GNA12: variants seen among roughly 807,000 people sequenced by gnomAD.
GNA12 encodes guanine nucleotide-binding protein subunit alpha-12.
A neutral mutation model predicts 26.0 loss-of-function variants in GNA12; 9 were observed. The ratio of observed to expected loss-of-function variants is 0.35; its 90% confidence interval spans 0.21 to 0.60. The LOEUF (loss-of-function observed/expected upper bound fraction) is 0.60. Among genes scored for constraint, GNA12 ranks in the 20% least tolerant of loss-of-function variants. The pLI is 0.78. For synonymous variants in GNA12, 264 were observed against 219.6 expected (o/e 1.20, Z -1.79); for missense variants, 405 against 525.8 (o/e 0.77, Z 2.25).
intron 2 of GNA12, among the ~76,000 whole-genome samples, chr7:2,739,782 C>T (rs548915600): frequency 2.0e-5 from 3 of 152,322 alleles, no homozygotes; most frequent in South Asian, 4.1e-4. Context: ...AAGCAGTTCT[C>T]TTGCCTCAGC....
At chr7:2,732,374 C>T (rs1313134354) in intron 3 of GNA12, among the ~76,000 whole-genome samples, 2 of 152,078 alleles carry the variant, frequency 1.3e-5, no homozygotes, top group African/African-American at 4.8e-5. Flanking sequence ...TAGTAAAACC[C>T]CATATTTACA....
intron 1 of GNA12, among the ~76,000 whole-genome samples, chr7:2,800,366 CGAG>C (rs1301194513): frequency 6.6e-6 from 1 of 152,134 alleles, no homozygotes; most frequent in South Asian, 2.1e-4. Flanking sequence ...AGGGGCAACA[CGAG>C]GAGATCTTTG....
chr7:2,783,535 C>T (rs971829325), intron 2 of GNA12, among the ~76,000 whole-genome samples: 1 of 152,080 alleles, frequency 6.6e-6, no homozygotes, highest in Non-Finnish European at 1.5e-5. Flanking sequence ...CACTTCGGGA[C>T]CCCCAAAAGA....
chr7:2,767,286 G>C (rs908376833), intron 2 of GNA12, among the ~76,000 whole-genome samples: 2 of 152,036 alleles, frequency 1.3e-5, no homozygotes, highest in Non-Finnish European at 2.9e-5. Flanking sequence ...CTAGGCTTTT[G>C]GTATCATACC....
At chr7:2,811,861 T>C (rs569627933) in intron 1 of GNA12, among the ~76,000 whole-genome samples, 1 of 152,372 alleles carries the variant, frequency 6.6e-6, no homozygotes, top group South Asian at 2.1e-4. Context: ...CACCAGTGTC[T>C]ACTTCTCAAA....
intron 1 of GNA12, among the ~76,000 whole-genome samples, chr7:2,824,865 C>T (rs892625615): frequency 1.3e-5 from 2 of 152,324 alleles, no homozygotes; most frequent in South Asian, 4.1e-4. Context: ...CCTCCCAGGC[C>T]TACTGAATAG....
chr7:2,791,901 A>G (rs1019196124), intron 2 of GNA12, among the ~76,000 whole-genome samples: 7 of 152,196 alleles, frequency 4.6e-5, no homozygotes, highest in African/African-American at 1.7e-4. Flanking sequence ...TGTATAAAGT[A>G]TAGGAATAAC....
intron 1 of GNA12, among the ~76,000 whole-genome samples, chr7:2,842,663 G>A (rs1395043128): frequency 1.3e-5 from 2 of 152,202 alleles, no homozygotes; most frequent in Non-Finnish European, 2.9e-5. Flanking sequence ...AGGAGAATCT[G>A]GAGATTCATT....
At chr7:2,834,473 G>T (rs986248232) in intron 1 of GNA12, among the ~76,000 whole-genome samples, 4 of 152,318 alleles carry the variant, frequency 2.6e-5, no homozygotes, top group South Asian at 2.1e-4. Flanking sequence ...CGAGTGGAGA[G>T]TAGGGGCTCT....
In GNA12 at chr7:2,773,785, C is replaced by A. The variant is rs530739856; in HGVS notation, c.525+21143G>T. ...CCCCTGGACAGCCCTGAGGGAAATG[C>A]CTACATCTCTTCACCAAAAGACAGG... On this transcript the variant is annotated intron_variant, in intron 2 of 3. Transcript: ENST00000275364. Among the ~76,000 whole-genome samples the A allele has an allele frequency of 1.2e-4, 18 of 152,278 alleles. No homozygotes were observed. In the Middle Eastern group the frequency reaches 0.01, roughly 86 times the overall value.
At chr7:2,797,441 G>A (rs1481907571) in intron 1 of GNA12, among the ~76,000 whole-genome samples, 2 of 151,478 alleles carry the variant, frequency 1.3e-5, no homozygotes, top group Non-Finnish European at 2.9e-5. Context: ...CACTGCATCC[G>A]GCCTTTTTTT....
At chr7:2,824,483 C>T (rs1583310708) in intron 1 of GNA12, among the ~76,000 whole-genome samples, 2 of 152,134 alleles carry the variant, frequency 1.3e-5, no homozygotes. Context: ...GACACGCTCT[C>T]GCCCTGCTTT....
At chr7:2,811,243 C>A (rs560600668) in intron 1 of GNA12, among the ~76,000 whole-genome samples, 2 of 152,136 alleles carry the variant, frequency 1.3e-5, no homozygotes, top group Admixed American at 1.3e-4. Flanking sequence ...CTTCTGTGCA[C>A]AACATCTACA....
rs1792363718 is a variant in GNA12, at chr7:2,786,436, TAAG to T, written c.525+8489_525+8491del. 4.6e-5 allele frequency among the ~76,000 whole-genome samples: 7 copies of T among 152,296 alleles called. 1 individual carries two copies. In the South Asian group the frequency reaches 1.2e-3, roughly 27 times the overall value. ...GCAGCAAAGAATGTCAATAGCCAAC[TAAG>T]AAGAGAATAAATGTAAATGGCCAAT... On this transcript the variant is annotated intron_variant, in intron 2 of 3. Transcript: ENST00000275364.
In GNA12 at chr7:2,815,738, G is replaced by A. The variant is rs10259077; in HGVS notation, c.310-20595C>T. On this transcript the variant is annotated intron_variant, in intron 1 of 3. Transcript: ENST00000275364. ...TGCTCCCCGTGTGGCCCCGTGTGCT[G>A]TGCCTCCTGTTTCTACAAATCTGTG... Among the ~76,000 whole-genome samples, 459 of 152,292 alleles carry A rather than the reference G, an allele frequency of 3.0e-3. 1 individual carries two copies. The highest frequency in any genetic ancestry group is 0.01 in the African/African-American group (431 of 41,558).
chr7:2,810,590 G>A lies in GNA12; in HGVS notation c.310-15447C>T, dbSNP rs2644277. 4.2e-3 allele frequency among the ~76,000 whole-genome samples: 643 copies of A among 152,162 alleles called. 4 individuals carry two copies. The highest frequency in any genetic ancestry group is 7.0e-3 in the Non-Finnish European group (479 of 68,022). On this transcript the variant is annotated intron_variant, in intron 1 of 3. Transcript: ENST00000275364. Reference sequence around the variant, plus strand: ...TTGGATTCCAAATGATGGACCTCACGGTCACTGGCAAGATAATGAGAAAAG... The same window carrying A: ...TTGGATTCCAAATGATGGACCTCACAGTCACTGGCAAGATAATGAGAAAAG...
intron 1 of GNA12, among the ~76,000 whole-genome samples, chr7:2,811,510 A>T (rs1187969299): frequency 6.6e-6 from 1 of 152,168 alleles, no homozygotes; most frequent in Non-Finnish European, 1.5e-5. Context: ...GTCATGACCA[A>T]TGAAGTAACT....
intron 2 of GNA12, among the ~76,000 whole-genome samples, chr7:2,776,132 G>C (rs1035268076): frequency 6.6e-6 from 1 of 152,206 alleles, no homozygotes; most frequent in Non-Finnish European, 1.5e-5. Context: ...CTGGGCTTCA[G>C]CAATCCTTGC....
intron 1 of GNA12, among the ~76,000 whole-genome samples, chr7:2,834,245 T>C (rs952550672): frequency 6.6e-6 from 1 of 152,264 alleles, no homozygotes; most frequent in African/African-American, 2.4e-5. Flanking sequence ...GGCATTAAGA[T>C]GGTTCTCATT....
Sources: gnomAD v4.1 joint callset for allele counts (sites outside exome capture counted in the v4.1 genomes callset) on GRCh38, gnomAD v4.1.1 for gene constraint, MANE v1.5 for transcripts, NCBI Gene and HGNC (gene_info 2026-07-23, HGNC 2026-07-21) for gene names.